The following PDE4D variants were observed in gnomAD, a reference collection of about 807,000 sequenced individuals.
PDE4D encodes the protein phosphodiesterase 4D, also known as 3',5'-cyclic-AMP phosphodiesterase 4D.
Under a neutral mutation model 87.4 loss-of-function variants are expected in PDE4D, and 24 were observed. The observed-to-expected ratio is 0.27, with a 90% CI of 0.20 to 0.39. The LOEUF is 0.39. Ranked by LOEUF, PDE4D falls within the 10% of genes least tolerant of loss-of-function variation. The pLI is 1.00. For missense variants in PDE4D, 714 were observed against 1,041.0 expected (o/e 0.69, Z 4.32); for synonymous variants, 384 against 383.2 (o/e 1.00, Z -0.02).
intron 1 of PDE4D, among the ~76,000 whole-genome samples, chr5:60,223,342 G>C (rs55826491): frequency 3.3e-5 from 5 of 152,092 alleles, no homozygotes; most frequent in Non-Finnish European, 7.4e-5. Context: ...GGTCACATTA[G>C]AAGGAAATCA....
chr5:59,312,840 C>T (rs1038365682), intron 1 of PDE4D, among the ~76,000 whole-genome samples: 3 of 152,150 alleles, frequency 2.0e-5, no homozygotes, highest in Non-Finnish European at 4.4e-5. Context: ...GCTTTACAAG[C>T]CCACCAGCCC....
At position 59,893,390 on chromosome 5, in the gene PDE4D, G is replaced by A; in HGVS notation, c.233C>T (p.Pro78Leu). Residue 78 changes from proline to leucine, a missense_variant, in exon 1 of 15, where the codon CCG becomes CTG. By Grantham distance (98) the Pro-to-Leu change is moderately conservative. This residue lies in a region of PDE4D where 268 missense variants were observed against 272.9 expected (regional missense o/e 0.98). Coordinates refer to ENST00000340635, the MANE Select transcript of PDE4D (RefSeq NM_001104631.2). Reference sequence around the variant, plus strand: ...CGGCGGGGGCGGCGGCAGGGGGGGCGGCGGCGGCGGCTGTAGCGGACACTG... The same window carrying A: ...CGGCGGGGGCGGCGGCAGGGGGGGCAGCGGCGGCGGCTGTAGCGGACACTG... ...QPQCPLQPPPPPPLPPPPPPP... is the reference protein window; with the variant it reads ...QPQCPLQPPPLPPLPPPPPPP... The A allele has an allele frequency of 1.6e-6, 2 of 1,273,634 alleles. No individual in the cohort carries two copies. Among genetic ancestry groups the A allele is most frequent in the Non-Finnish European group, 2.0e-6 (2 of 1,007,224 alleles). The allele number at this position is 1,273,634 out of a possible 1,614,324, so 78.9% of individuals were successfully genotyped here.
chr5:59,362,221 G>A (rs1309249081), intron 1 of PDE4D, among the ~76,000 whole-genome samples: 1 of 152,180 alleles, frequency 6.6e-6, no homozygotes, highest in Non-Finnish European at 1.5e-5. Context: ...AAGCTTTTGG[G>A]AGAGGTAGGA....
chr5:59,816,859 C>G (rs1175313464), intron 1 of PDE4D, among the ~76,000 whole-genome samples: 1 of 152,194 alleles, frequency 6.6e-6, no homozygotes, highest in African/African-American at 2.4e-5. Context: ...CTGCATGTCA[C>G]CAGAACCTCA....
chr5:59,050,926 T>A (rs574031506), intron 5 of PDE4D, among the ~76,000 whole-genome samples: 3 of 152,364 alleles, frequency 2.0e-5, no homozygotes, highest in South Asian at 2.1e-4. Flanking sequence ...TTTAAATAAG[T>A]TAATTTTAAA....
At chr5:59,153,415 T>C (rs1239271281) in intron 5 of PDE4D, among the ~76,000 whole-genome samples, 2 of 152,204 alleles carry the variant, frequency 1.3e-5, no homozygotes, top group Admixed American at 6.5e-5. Flanking sequence ...ATTTTCCTCA[T>C]TCTGCTCAGA....
intron 1 of PDE4D, among the ~76,000 whole-genome samples, chr5:59,604,498 A>G (rs1827922826): frequency 6.6e-6 from 1 of 151,984 alleles, no homozygotes; most frequent in Non-Finnish European, 1.5e-5. Context: ...AATGCAACGT[A>G]AGCTGGGAGG....
At chr5:59,668,791 A>AAGAAGAAGAAGAAAG (rs1561440423) in intron 1 of PDE4D, among the ~76,000 whole-genome samples, 1 of 137,512 alleles carries the variant, frequency 7.3e-6, no homozygotes, top group African/African-American at 3.0e-5. Flanking sequence ...GAAGAAGAAG[A>AAGAAGAAGAAGAAAG]AAGAAGAAGA....
At chr5:59,367,317 A>G (rs1783224008) in intron 1 of PDE4D, among the ~76,000 whole-genome samples, 1 of 152,224 alleles carries the variant, frequency 6.6e-6, no homozygotes, top group Admixed American at 6.5e-5. Context: ...TTAAAAATCT[A>G]TTCATTAAAA....
intron 1 of PDE4D, among the ~76,000 whole-genome samples, chr5:59,412,042 A>T (rs1792775157): frequency 6.6e-6 from 1 of 152,144 alleles, no homozygotes; most frequent in African/African-American, 2.4e-5. Flanking sequence ...CAGACTCAAT[A>T]TCTATATACA....
intron 1 of PDE4D, among the ~76,000 whole-genome samples, chr5:60,232,364 G>A (rs1745917453): frequency 6.6e-6 from 1 of 151,796 alleles, no homozygotes; most frequent in African/African-American, 2.4e-5. Flanking sequence ...TTGAGTCAAG[G>A]AATAAACCTA....
chr5:59,246,295 A>G (rs2153526476), intron 1 of PDE4D, among the ~76,000 whole-genome samples: 1 of 152,214 alleles, frequency 6.6e-6, no homozygotes, highest in Non-Finnish European at 1.5e-5. Flanking sequence ...GGCAACAAAC[A>G]TATTTCAGCA....
chr5:59,477,353 TAAAA>T (rs35047246), intron 1 of PDE4D, among the ~76,000 whole-genome samples: 231 of 88,304 alleles, frequency 2.6e-3, no homozygotes, highest in African/African-American at 9.7e-3. Context: ...TAGAGTATAA[TAAAA>T]AAAAAAAAAA....
At chr5:60,033,343 C>T (rs531635032) in intron 2 of PDE4D, among the ~76,000 whole-genome samples, 9 of 152,086 alleles carry the variant, frequency 5.9e-5, no homozygotes, top group Admixed American at 3.9e-4. Context: ...AAGTTTTGCA[C>T]GAGGATTTTC....
intron 1 of PDE4D, among the ~76,000 whole-genome samples, chr5:59,517,690 G>A (rs999412363): frequency 9.9e-5 from 15 of 152,206 alleles, no homozygotes; most frequent in Non-Finnish European, 2.2e-4. Flanking sequence ...TCATAGGGTT[G>A]TAGCAGTTAC....
At chr5:59,594,913 G>GT (rs1350411056) in intron 1 of PDE4D, among the ~76,000 whole-genome samples, 4 of 151,944 alleles carry the variant, frequency 2.6e-5, no homozygotes, top group Non-Finnish European at 5.9e-5. Context: ...AGGTTCAATT[G>GT]TAAAAAAAAA....
chr5:59,303,335 G>A (rs1183130483), intron 1 of PDE4D, among the ~76,000 whole-genome samples: 1 of 152,052 alleles, frequency 6.6e-6, no homozygotes, highest in East Asian at 1.9e-4. Flanking sequence ...CCCACTCTGT[G>A]GGTTGTCTGT....
intron 2 of PDE4D, among the ~76,000 whole-genome samples, chr5:60,145,945 G>A (rs1407777696): frequency 6.6e-6 from 1 of 152,138 alleles, no homozygotes; most frequent in Non-Finnish European, 1.5e-5. Flanking sequence ...TGGGTGTGGT[G>A]GCGCACGCCT....
At chr5:59,121,637 C>A (rs570457346) in intron 5 of PDE4D, among the ~76,000 whole-genome samples, 2 of 152,140 alleles carry the variant, frequency 1.3e-5, no homozygotes, top group Non-Finnish European at 2.9e-5. Context: ...ATTAGTACAG[C>A]CACTATGAAA....
Sources: allele counts gnomAD v4.1 joint callset (sites outside exome capture counted in the v4.1 genomes callset), GRCh38; gene constraint gnomAD v4.1.1; regional missense constraint gnomAD v4.1.1; transcripts MANE v1.5; gene names NCBI Gene and HGNC (gene_info 2026-07-23, HGNC 2026-07-21).